The following PLCB1 variants were observed in gnomAD, a reference collection of about 807,000 sequenced individuals.
PLCB1 encodes 1-phosphatidylinositol 4,5-bisphosphate phosphodiesterase beta-1.
PLCB1 carries 46 observed loss-of-function variants against 161.8 expected under a neutral mutation model. The ratio of observed to expected loss-of-function variants is 0.28; its 90% CI spans 0.22 to 0.36. PLCB1 has a LOEUF of 0.36. Ranked by LOEUF, PLCB1 falls within the 10% of genes least tolerant of loss-of-function variation. The pLI, the probability that PLCB1 is intolerant of heterozygous loss-of-function variation, is 1.00. For missense variants in PLCB1, 1,016 were observed against 1,472.5 expected (o/e 0.69, Z 5.07); for synonymous variants, 517 against 503.7 (o/e 1.03, Z -0.35).
At chr20:8,239,936 T>A (rs1378655285) in intron 2 of PLCB1, among the ~76,000 whole-genome samples, 1 of 152,048 alleles carries the variant, frequency 6.6e-6, no homozygotes, top group Non-Finnish European at 1.5e-5. Flanking sequence ...ACATTTATGC[T>A]ACTTCCTTTT....
intron 2 of PLCB1, among the ~76,000 whole-genome samples, chr20:8,197,061 T>C (rs1263768613): frequency 6.6e-6 from 1 of 152,200 alleles, no homozygotes; most frequent in Non-Finnish European, 1.5e-5. Flanking sequence ...CTTAATCCTG[T>C]CTATCATTGT....
intron 3 of PLCB1, among the ~76,000 whole-genome samples, chr20:8,478,012 A>T (rs988080038): frequency 5.3e-5 from 8 of 152,210 alleles, no homozygotes; most frequent in Non-Finnish European, 4.4e-5. Context: ...TCTGGCTTTA[A>T]ATCTATTGAG....
At chr20:8,292,281 A>G (rs1983419014) in intron 2 of PLCB1, among the ~76,000 whole-genome samples, 1 of 152,110 alleles carries the variant, frequency 6.6e-6, no homozygotes, top group Admixed American at 6.6e-5. Context: ...CTTTCTAGTT[A>G]CACATCAAGA....
intron 3 of PLCB1, among the ~76,000 whole-genome samples, chr20:8,395,261 T>A (rs1006686515): frequency 6.6e-6 from 1 of 152,056 alleles, no homozygotes; most frequent in Admixed American, 6.6e-5. Flanking sequence ...TAATGAGACA[T>A]TTATTTTATT....
chr20:8,730,068 C>T (rs762213784), intron 18 of PLCB1, among the ~76,000 whole-genome samples: 4 of 151,954 alleles, frequency 2.6e-5, no homozygotes, highest in South Asian at 4.1e-4. Context: ...TCAGGACTAT[C>T]GTCAATTTTC....
chr20:8,275,250 A>AGAGTGTGT (rs369863898), intron 2 of PLCB1, among the ~76,000 whole-genome samples: 2 of 145,372 alleles, frequency 1.4e-5, no homozygotes, highest in African/African-American at 5.1e-5. Flanking sequence ...CATCAGCGTG[A>AGAGTGTGT]GTGTGTGTGT....
intron 16 of PLCB1, among the ~76,000 whole-genome samples, chr20:8,725,196 T>C (rs893868167): frequency 6.6e-6 from 1 of 152,146 alleles, no homozygotes; most frequent in African/African-American, 2.4e-5. Context: ...ATAGAACCAA[T>C]TTATCTATAT....
chr20:8,742,049 G>A (rs1408576366), intron 23 of PLCB1, among the ~76,000 whole-genome samples: 3 of 152,128 alleles, frequency 2.0e-5, no homozygotes, highest in African/African-American at 7.2e-5. Flanking sequence ...TTATTAGATG[G>A]TATATTTATG....
chr20:8,572,777 G>T (rs1412897089), intron 3 of PLCB1, among the ~76,000 whole-genome samples: 2 of 152,156 alleles, frequency 1.3e-5, no homozygotes, highest in African/African-American at 4.8e-5. Context: ...AACTAAGCAT[G>T]GGTCCTTCTG....
At chr20:8,762,953 A>G (rs914258726) in intron 25 of PLCB1, among the ~76,000 whole-genome samples, 13 of 152,202 alleles carry the variant, frequency 8.5e-5, no homozygotes, top group Admixed American at 7.9e-4. Flanking sequence ...TCCCAGAAGC[A>G]GGACATTCAA....
At chr20:8,676,228 G>A (rs1264504755) in intron 9 of PLCB1, among the ~76,000 whole-genome samples, 2 of 152,188 alleles carry the variant, frequency 1.3e-5, no homozygotes, top group Non-Finnish European at 2.9e-5. Flanking sequence ...GGGCGTGGTG[G>A]CATGTGCCTA....
At chr20:8,193,078 C>T (rs2051986617) in intron 2 of PLCB1, among the ~76,000 whole-genome samples, 1 of 151,972 alleles carries the variant, frequency 6.6e-6, no homozygotes, top group Admixed American at 6.6e-5. Context: ...TAACCAGAGA[C>T]TGACAAAGAA....
At chr20:8,833,334 A>C (rs546664722) in intron 31 of PLCB1, among the ~76,000 whole-genome samples, 1 of 152,302 alleles carries the variant, frequency 6.6e-6, no homozygotes, top group African/African-American at 2.4e-5. Flanking sequence ...CCTTTATAAA[A>C]CCATCAGATC....
At chr20:8,235,316 T>G (rs941655248) in intron 2 of PLCB1, among the ~76,000 whole-genome samples, 2 of 152,170 alleles carry the variant, frequency 1.3e-5, no homozygotes, top group Non-Finnish European at 2.9e-5. Context: ...GAAGTTGTCC[T>G]TAGATAATAG....
chr20:8,692,793 C>G (rs903803905), intron 10 of PLCB1, among the ~76,000 whole-genome samples: 7 of 152,146 alleles, frequency 4.6e-5, no homozygotes, highest in African/African-American at 1.7e-4. Context: ...GTTCTTGTGA[C>G]CCTTCTAAGA....
At chr20:8,161,214 A>G (rs529260891) in intron 2 of PLCB1, among the ~76,000 whole-genome samples, 11 of 152,312 alleles carry the variant, frequency 7.2e-5, no homozygotes, top group Admixed American at 5.9e-4. Context: ...AGTCTATAAT[A>G]GTATGTATAT....
At chr20:8,421,006 G>C (rs539657526) in intron 3 of PLCB1, among the ~76,000 whole-genome samples, 1 of 152,170 alleles carries the variant, frequency 6.6e-6, no homozygotes, top group Non-Finnish European at 1.5e-5. Flanking sequence ...GTCCAACAAA[G>C]TCATGTCTCT....
At chr20:8,199,014 G>A (rs1184846783) in intron 2 of PLCB1, among the ~76,000 whole-genome samples, 2 of 150,806 alleles carry the variant, frequency 1.3e-5, no homozygotes, top group Non-Finnish European at 2.9e-5. Context: ...CTTAATTTGC[G>A]GGAACATTAA....
chr20:8,167,620 A>G (rs12480091), intron 2 of PLCB1, among the ~76,000 whole-genome samples: 28,285 of 152,198 alleles, frequency 0.19, 2,814 homozygotes, highest in Admixed American at 0.25. Context: ...ATAGTGACGT[A>G]GTTGAATGTA....
Sources: gnomAD v4.1 joint callset for allele counts (sites outside exome capture counted in the v4.1 genomes callset) on GRCh38, gnomAD v4.1.1 for gene constraint, MANE v1.5 for transcripts, NCBI Gene and HGNC (gene_info 2026-07-23, HGNC 2026-07-21) for gene names.